Variants in PACRG observed in about 807,000 individuals in gnomAD.
PACRG encodes parkin coregulated gene protein.
PACRG carries 29 observed loss-of-function variants against 29.7 expected under a neutral mutation model. The observed-to-expected ratio is 0.98, with a 90% CI of 0.73 to 1.33. PACRG has a LOEUF of 1.33. Ranked by LOEUF, PACRG falls within the 40% of genes most tolerant of loss-of-function variation. The pLI is 0.00. For missense variants in PACRG, 279 were observed against 316.2 expected (o/e 0.88, Z 0.89); for synonymous variants, 116 against 118.7 (o/e 0.98, Z 0.15).
chr6:162,787,161 C>T lies in PACRG; in HGVS notation c.157-26986C>T, dbSNP rs142561175. Among the ~76,000 whole-genome samples the T allele has an allele frequency of 2.8e-3, 423 of 152,150 alleles. 1 individual carries two copies. Among genetic ancestry groups the T allele is most frequent in the African/African-American group, 9.7e-3 (403 of 41,510 alleles). ...TAGCTCCTCTGTGCTTTATTTCTCA[C>T]CCTGTCAGACTGAGAAGAGCTACCA... On this transcript the variant is annotated intron_variant, in intron 1 of 4. Transcript: ENST00000366888.
chr6:163,307,558 T>G (rs1025487676), intron 4 of PACRG, among the ~76,000 whole-genome samples: 1 of 152,184 alleles, frequency 6.6e-6, no homozygotes, highest in African/African-American at 2.4e-5. Context: ...ATATCCATTG[T>G]AAGGTTGTAT....
chr6:162,892,868 A>C (rs1794868571), intron 2 of PACRG, among the ~76,000 whole-genome samples: 1 of 149,226 alleles, frequency 6.7e-6, no homozygotes, highest in Non-Finnish European at 1.5e-5. Flanking sequence ...AGGGAGAAGA[A>C]CCACCTCAGC....
chr6:162,877,841 A>C (rs1284935634), intron 2 of PACRG, among the ~76,000 whole-genome samples: 1 of 152,164 alleles, frequency 6.6e-6, no homozygotes, highest in Non-Finnish European at 1.5e-5. Context: ...TTTGCTTTCC[A>C]TTAAAAAAGT....
In PACRG at chr6:162,736,310, T is replaced by C. The variant is rs1294253976; in HGVS notation, c.156+7919T>C. On this transcript the variant is annotated intron_variant, in intron 1 of 4. Coordinates refer to ENST00000366888, the MANE Select transcript of PACRG (RefSeq NM_001080379.2). The stretch of plus-strand genomic sequence containing the variant: ...TTGGATTTTGCCTGATATTAAATTG[T>C]TGTAGTACATGTACGTAGACTTTCG... Among the ~76,000 whole-genome samples the C allele has an allele frequency of 9.9e-5, 15 of 152,224 alleles. 1 individual carries two copies. The highest frequency in any genetic ancestry group is 9.8e-4 in the Admixed American group (15 of 15,282).
In PACRG at chr6:162,822,822, A is replaced by G. The variant is rs181470765; in HGVS notation, c.291+8541A>G. Among the ~76,000 whole-genome samples the G allele has an allele frequency of 3.2e-3, 494 of 152,298 alleles. 2 individuals carry two copies. Among genetic ancestry groups the G allele is most frequent in the Non-Finnish European group, 5.0e-3 (339 of 68,002 alleles). The stretch of plus-strand genomic sequence containing the variant: ...GCTTCCCTTCATATCTCTTTAGAAG[A>G]TAACATCTTTGTATTCTATTAATGA... On this transcript the variant is annotated intron_variant, in intron 2 of 4. Transcript: ENST00000366888.
intron 2 of PACRG, among the ~76,000 whole-genome samples, chr6:163,044,271 G>A (rs989098737): frequency 2.0e-5 from 3 of 151,288 alleles, no homozygotes; most frequent in Non-Finnish European, 2.9e-5. Flanking sequence ...GGGTTCATGC[G>A]ATCCTCCCAC....
intron 4 of PACRG, among the ~76,000 whole-genome samples, chr6:163,164,654 C>T (rs1316544309): frequency 6.6e-6 from 1 of 152,224 alleles, no homozygotes; most frequent in African/African-American, 2.4e-5. Context: ...TAATACAGTT[C>T]TCAAATTCAT....
chr6:163,131,866 A>G (rs1431987710), intron 4 of PACRG, among the ~76,000 whole-genome samples: 1 of 152,234 alleles, frequency 6.6e-6, no homozygotes, highest in Non-Finnish European at 1.5e-5. Flanking sequence ...CTTTACCCAT[A>G]AAATGCGTTC....
intron 1 of PACRG, among the ~76,000 whole-genome samples, chr6:162,801,633 T>C (rs1290959725): frequency 6.6e-6 from 1 of 152,212 alleles, no homozygotes; most frequent in Non-Finnish European, 1.5e-5. Context: ...ATTTAGATTA[T>C]TTCCTTTAAG....
At chr6:163,034,932 G>A (rs945472763) in intron 2 of PACRG, among the ~76,000 whole-genome samples, 1 of 152,204 alleles carries the variant, frequency 6.6e-6, no homozygotes. Context: ...GAGGGCTGTT[G>A]GTTGCCCATT....
chr6:163,168,065 G>A (rs1287972506), intron 4 of PACRG, among the ~76,000 whole-genome samples: 1 of 152,146 alleles, frequency 6.6e-6, no homozygotes, highest in African/African-American at 2.4e-5. Context: ...CTTTGAACTT[G>A]ACCTTAAATA....
intron 4 of PACRG, among the ~76,000 whole-genome samples, chr6:163,209,640 T>G (rs754336691): frequency 6.6e-6 from 1 of 152,222 alleles, no homozygotes; most frequent in African/African-American, 2.4e-5. Context: ...AATTTTCCTT[T>G]GTATTGACTT....
intron 4 of PACRG, among the ~76,000 whole-genome samples, chr6:163,258,285 T>G (rs1053198807): frequency 2.6e-5 from 4 of 152,228 alleles, no homozygotes; most frequent in Non-Finnish European, 5.9e-5. Flanking sequence ...TTTAACCCAT[T>G]AACATTGTAT....
At chr6:163,243,827 G>A (rs1298311460) in intron 4 of PACRG, among the ~76,000 whole-genome samples, 3 of 151,686 alleles carry the variant, frequency 2.0e-5, no homozygotes, top group African/African-American at 4.9e-5. Context: ...ATTTCACCTG[G>A]GTCTCCAAGG....
intron 2 of PACRG, among the ~76,000 whole-genome samples, chr6:162,825,508 T>G (rs1379539022): frequency 6.6e-6 from 1 of 152,262 alleles, no homozygotes; most frequent in African/African-American, 2.4e-5. Context: ...TATAATTTGT[T>G]GAAATTTTTT....
At chr6:163,114,704 G>A (rs1815888497) in intron 4 of PACRG, among the ~76,000 whole-genome samples, 1 of 152,042 alleles carries the variant, frequency 6.6e-6, no homozygotes, top group African/African-American at 2.4e-5. Flanking sequence ...GCTGTGGGGT[G>A]GGAGAAATAG....
At chr6:163,195,743 GC>G (rs1198380606) in intron 4 of PACRG, among the ~76,000 whole-genome samples, 1 of 152,106 alleles carries the variant, frequency 6.6e-6, no homozygotes, top group East Asian at 1.9e-4. Context: ...GAGATTCTGC[GC>G]CTAAAGACAC....
chr6:163,087,656 G>A (rs1223108080), intron 3 of PACRG, among the ~76,000 whole-genome samples: 1 of 149,868 alleles, frequency 6.7e-6, no homozygotes, highest in Non-Finnish European at 1.5e-5. Flanking sequence ...TGAGACCAGA[G>A]GAGAGGAGGT....
chr6:163,180,676 G>GTTA (rs1779611556), intron 4 of PACRG, among the ~76,000 whole-genome samples: 1 of 151,628 alleles, frequency 6.6e-6, no homozygotes, highest in Non-Finnish European at 1.5e-5. Flanking sequence ...TTTTTGTATG[G>GTTA]TTACAAAAAA....
Sources: gnomAD v4.1 joint callset for allele counts (sites outside exome capture counted in the v4.1 genomes callset) on GRCh38, gnomAD v4.1.1 for gene constraint, MANE v1.5 for transcripts, NCBI Gene and HGNC (gene_info 2026-07-23, HGNC 2026-07-21) for gene names.